Variants in WWP1 observed in about 807,000 individuals in gnomAD.
The protein encoded by WWP1 is NEDD4-like E3 ubiquitin-protein ligase WWP1.
A neutral mutation model predicts 130.6 loss-of-function variants in WWP1; 49 were observed. The ratio of observed to expected loss-of-function variants is 0.38; its 90% CI spans 0.30 to 0.48. The LOEUF is 0.48. Ranked by LOEUF, WWP1 falls within the 20% of genes least tolerant of loss-of-function variation. WWP1 has a pLI of 0.99. For synonymous variants in WWP1, 332 were observed against 367.8 expected (o/e 0.90, Z 1.11); for missense variants, 809 against 1,100.6 (o/e 0.74, Z 3.75).
intron 1 of WWP1, among the ~76,000 whole-genome samples, chr8:86,362,005 CACATATATATAT>C (rs1823643839): frequency 7.0e-6 from 1 of 143,444 alleles, no homozygotes; most frequent in Non-Finnish European, 1.5e-5. Context: ...TATATATACA[CACATATATATAT>C]ACACATATAT....
At position 86,457,960 on chromosome 8, in the gene WWP1, T is replaced by A. The variant is rs759699894; in HGVS notation, c.2434T>A (p.Trp812Arg). 6.2e-7 allele frequency: 1 copy of A among 1,613,200 alleles called. No homozygotes were observed. Among genetic ancestry groups the A allele is most frequent in the Non-Finnish European group, 8.5e-7 (1 of 1,179,300 alleles). Residue 812 changes from tryptophan to arginine, a missense_variant, in exon 22 of 25, where the codon TGG (tryptophan) becomes AGG (arginine). Around this residue, in one of 3 missense-constraint regions of WWP1, gnomAD observed 450 missense variants for 674.2 expected, o/e 0.67. Transcript: ENST00000517970. Reference protein sequence around the residue: ...CGMQEVDLADWQRNTVYRHYT... With the variant: ...CGMQEVDLADRQRNTVYRHYT... Reference sequence around the variant, plus strand: ...CATGCAGGAGGTTGACTTGGCAGATTGGCAGAGAAATACTGTTTATCGACA... The same window carrying A: ...CATGCAGGAGGTTGACTTGGCAGATAGGCAGAGAAATACTGTTTATCGACA...
Position 86,398,327 on chromosome 8 carries a change from T to A in WWP1, c.335-15T>A. On this transcript the variant is annotated splice_polypyrimidine_tract_variant and intron_variant, in intron 5 of 24. Coordinates refer to ENST00000517970, the MANE Select transcript of WWP1 (RefSeq NM_007013.4). ...TGTGGCAAAAGCTTTTAAATTAGAA[T>A]ATTCTTCTTTCTAGTGGAAAGAGTG... 6.4e-7 allele frequency: 1 copy of A among 1,567,454 alleles called. No individual in the cohort carries two copies. Among genetic ancestry groups the A allele is most frequent in the Non-Finnish European group, 8.6e-7 (1 of 1,157,424 alleles).
rs774056120 is a variant in WWP1, at chr8:86,448,519, G to T, written c.2273+6G>T. On this transcript the variant is annotated splice_donor_region_variant and intron_variant, in intron 20 of 24. Coordinates refer to ENST00000517970, the MANE Select transcript of WWP1 (RefSeq NM_007013.4). ...AACAAAGATGAATATATTGGGTAAGGTGATATACCTTATTAAGCTTAATTT... is the reference window on the plus strand; with the variant it reads ...AACAAAGATGAATATATTGGGTAAGTTGATATACCTTATTAAGCTTAATTT... The T allele has an allele frequency of 2.5e-6, 4 of 1,609,690 alleles. No homozygotes were observed. The highest frequency in any genetic ancestry group is 3.4e-6 in the Non-Finnish European group (4 of 1,178,516).
intron 5 of WWP1, among the ~76,000 whole-genome samples, chr8:86,396,302 C>T (rs910346740): frequency 2.6e-5 from 4 of 152,046 alleles, no homozygotes; most frequent in African/African-American, 9.6e-5. Flanking sequence ...GGTTTCACCA[C>T]GTTGGCCAGG....
At chr8:86,385,210 ATGTT>A (rs750242304) in intron 5 of WWP1, among the ~76,000 whole-genome samples, 2 of 152,170 alleles carry the variant, frequency 1.3e-5, no homozygotes, top group African/African-American at 2.4e-5. Flanking sequence ...TATATAGAAA[ATGTT>A]TGATAGTCAG....
chr8:86,371,581 G>A (rs1279452450), intron 2 of WWP1, among the ~76,000 whole-genome samples: 1 of 152,080 alleles, frequency 6.6e-6, no homozygotes. Context: ...TCTCTGATGG[G>A]CAGTGAGATT....
chr8:86,430,348 A>G (rs1170392383), intron 11 of WWP1, among the ~76,000 whole-genome samples: 1 of 152,080 alleles, frequency 6.6e-6, no homozygotes, highest in African/African-American at 2.4e-5. Context: ...TAGTGTGATC[A>G]CAGTTCACTG....
chr8:86,454,517 C>T (rs1331577973), intron 21 of WWP1, among the ~76,000 whole-genome samples: 3 of 152,078 alleles, frequency 2.0e-5, no homozygotes, highest in African/African-American at 7.2e-5. Flanking sequence ...GCATGGAAGA[C>T]ATTTTTAGAG....
intron 5 of WWP1, among the ~76,000 whole-genome samples, chr8:86,383,389 C>G (rs1226520285): frequency 6.6e-6 from 1 of 152,184 alleles, no homozygotes; most frequent in Non-Finnish European, 1.5e-5. Context: ...AAATGATCTT[C>G]TAGGAAGGTT....
chr8:86,440,542 C>T (rs1294625206), intron 17 of WWP1: 2 of 349,242 alleles, frequency 5.7e-6, no homozygotes, highest in Non-Finnish European at 1.1e-5. Context: ...TTGTAAGAAC[C>T]TTATTTTTCC....
At chr8:86,446,221 A>G (rs1010004428) in intron 18 of WWP1, among the ~76,000 whole-genome samples, 9 of 151,972 alleles carry the variant, frequency 5.9e-5, no homozygotes, top group African/African-American at 2.2e-4. Context: ...ACCTCAGGTG[A>G]TCCGCCAACC....
At chr8:86,394,046 C>T (rs1807507256) in intron 5 of WWP1, among the ~76,000 whole-genome samples, 1 of 152,226 alleles carries the variant, frequency 6.6e-6, no homozygotes, top group Admixed American at 6.5e-5. Flanking sequence ...TGTGGATGTG[C>T]CCCTCTTGAG....
intron 12 of WWP1, 55 bp downstream of exon 12, chr8:86,430,806 T>C: frequency 5.3e-5 from 3 of 56,832 alleles, no homozygotes; most frequent in Non-Finnish European, 9.0e-5. Context: ...TCCATATATA[T>C]ATATATATAT....
At chr8:86,428,735 AC>A (rs1809767637) in intron 11 of WWP1, among the ~76,000 whole-genome samples, 1 of 152,080 alleles carries the variant, frequency 6.6e-6, no homozygotes, top group Non-Finnish European at 1.5e-5. Context: ...TTCTTCCATG[AC>A]TTGTACAGAA....
chr8:86,342,965 A>C, intron 1 of WWP1, 35 bp downstream of exon 1: 4 of 152,262 alleles, frequency 2.6e-5, no homozygotes, highest in East Asian at 1.7e-4. Context: ...GGGGGTGCGA[A>C]TGGGCAGGGC....
chr8:86,462,108 GT>G (rs921033666), intron 24 of WWP1, among the ~76,000 whole-genome samples: 1 of 152,222 alleles, frequency 6.6e-6, no homozygotes, highest in East Asian at 1.9e-4. Context: ...AGTATTCCCT[GT>G]TTTTTATGAA....
intron 1 of WWP1, among the ~76,000 whole-genome samples, chr8:86,358,754 C>A (rs1292754081): frequency 6.6e-6 from 1 of 151,860 alleles, no homozygotes; most frequent in African/African-American, 2.4e-5. Context: ...ATTAATCCAC[C>A]CACCTTGGCC....
In WWP1 at chr8:86,431,681, C is replaced by T; in HGVS notation, c.1539C>T (p.Tyr513=). The change falls in exon 14 of 25, where the codon TAC becomes TAT. Residue 513 remains tyrosine, a synonymous_variant. Transcript: ENST00000517970. ...EIRYTREGVR[Y]FVDHNTRTTT... Reference sequence around the variant, plus strand: ...GATATACTCGTGAAGGTGTAAGGTACTTTGTTGATCATAACACAAGAACAA... The same window carrying T: ...GATATACTCGTGAAGGTGTAAGGTATTTTGTTGATCATAACACAAGAACAA... The T allele has an allele frequency of 1.2e-6, 2 of 1,614,002 alleles. No homozygotes were observed. The highest frequency in any genetic ancestry group is 1.7e-6 in the Non-Finnish European group (2 of 1,179,940).
chr8:86,427,714 A>G lies in WWP1; in HGVS notation c.1229A>G (p.Gln410Arg), dbSNP rs1307660179. 6.2e-7 allele frequency: 1 copy of G among 1,614,128 alleles called. No individual in the cohort carries two copies. The change falls in exon 11 of 25, where the codon CAG (glutamine) becomes CGG (arginine). Residue 410 changes from glutamine (Q) to arginine (R), a missense_variant. Coordinates refer to ENST00000517970, the MANE Select transcript of WWP1 (RefSeq NM_007013.4). Reference protein sequence around the residue: ...VDHNTRTTTWQRPTMESVRNF... With the variant: ...VDHNTRTTTWRRPTMESVRNF... ...CATAACACCAGAACAACAACGTGGC[A>G]GCGGCCTACCATGGAATCTGTCCGA...
Sources: gnomAD v4.1 joint callset for allele counts (sites outside exome capture counted in the v4.1 genomes callset) on GRCh38, gnomAD v4.1.1 for gene constraint, gnomAD v4.1.1 regional missense constraint, MANE v1.5 for transcripts, NCBI Gene and HGNC (gene_info 2026-07-23, HGNC 2026-07-21) for gene names.